FRMD4A: variants seen among roughly 807,000 people sequenced by gnomAD.
The protein encoded by FRMD4A is FERM domain-containing protein 4A.
Under a neutral mutation model 129.1 loss-of-function variants are expected in FRMD4A, and 29 were observed. The ratio of observed to expected loss-of-function variants is 0.22; its 90% CI spans 0.17 to 0.31. FRMD4A has a LOEUF of 0.31. Ranked by LOEUF, FRMD4A falls within the 10% of genes least tolerant of loss-of-function variation. The pLI is 1.00. For synonymous variants in FRMD4A, 634 were observed against 571.6 expected (o/e 1.11, Z -1.56); for missense variants, 1,272 against 1,375.8 (o/e 0.92, Z 1.19).
At chr10:14,055,701 C>T (rs1252658357) in intron 2 of FRMD4A, among the ~76,000 whole-genome samples, 1 of 152,232 alleles carries the variant, frequency 6.6e-6, no homozygotes, top group Non-Finnish European at 1.5e-5. Context: ...TTTTTATTTT[C>T]GTGGGTCCAT....
At chr10:13,912,196 C>A (rs973638907) in intron 2 of FRMD4A, among the ~76,000 whole-genome samples, 1 of 152,088 alleles carries the variant, frequency 6.6e-6, no homozygotes, top group African/African-American at 2.4e-5. Context: ...GTAAGATAAA[C>A]AATGAGACTA....
chr10:14,246,664 G>A (rs1275559246), intron 2 of FRMD4A, among the ~76,000 whole-genome samples: 1 of 152,156 alleles, frequency 6.6e-6, no homozygotes, highest in African/African-American at 2.4e-5. Context: ...TGAACTATAA[G>A]TAATTAAGTT....
intron 8 of FRMD4A, among the ~76,000 whole-genome samples, chr10:13,759,482 A>G (rs2091984502): frequency 6.6e-6 from 1 of 152,182 alleles, no homozygotes; most frequent in South Asian, 2.1e-4. Context: ...CTCAAAATAA[A>G]TAATATTTAC....
chr10:13,814,420 T>A (rs1588871500), intron 3 of FRMD4A, among the ~76,000 whole-genome samples: 1 of 149,406 alleles, frequency 6.7e-6, no homozygotes, highest in South Asian at 2.1e-4. Context: ...CAAAAAAAAA[T>A]TTAAAAATTA....
At chr10:13,652,828 ATTTT>A (rs559970485) in intron 23 of FRMD4A, 1 of 152,086 alleles carries the variant, frequency 6.6e-6, no homozygotes, top group South Asian at 2.1e-4. Flanking sequence ...AGAGTTTTGG[ATTTT>A]TTTTGTGTTA....
intron 2 of FRMD4A, among the ~76,000 whole-genome samples, chr10:14,177,587 C>T (rs1820012294): frequency 6.6e-6 from 1 of 152,146 alleles, no homozygotes; most frequent in African/African-American, 2.4e-5. Flanking sequence ...CTCTGGCTCT[C>T]AATCTCCCTA....
At chr10:13,844,787 G>A (rs1427459136) in intron 3 of FRMD4A, among the ~76,000 whole-genome samples, 1 of 152,156 alleles carries the variant, frequency 6.6e-6, no homozygotes, top group African/African-American at 2.4e-5. Context: ...TCTGAGTCTC[G>A]CACAGTTGAC....
intron 2 of FRMD4A, among the ~76,000 whole-genome samples, chr10:14,034,550 A>G (rs958901286): frequency 5.9e-5 from 9 of 152,134 alleles, no homozygotes; most frequent in Non-Finnish European, 1.3e-4. Flanking sequence ...AAGACAACAG[A>G]TAAATATTTT....
At chr10:14,124,035 T>C (rs568182033) in intron 2 of FRMD4A, among the ~76,000 whole-genome samples, 114 of 152,190 alleles carry the variant, frequency 7.5e-4, no homozygotes, top group African/African-American at 2.6e-3. Context: ...TGATCAAAAG[T>C]CCACCAACTC....
At chr10:14,111,461 A>G (rs1171962131) in intron 2 of FRMD4A, among the ~76,000 whole-genome samples, 1 of 152,132 alleles carries the variant, frequency 6.6e-6, no homozygotes, top group Non-Finnish European at 1.5e-5. Context: ...AAATGCCCAG[A>G]TGTTTAGCTC....
At chr10:13,899,237 C>G (rs2094793092) in intron 2 of FRMD4A, among the ~76,000 whole-genome samples, 1 of 152,136 alleles carries the variant, frequency 6.6e-6, no homozygotes, top group Admixed American at 6.5e-5. Flanking sequence ...CATATTGTTT[C>G]CAAAACCACA....
Position 14,012,308 on chromosome 10 carries a change from C to G in FRMD4A, c.46-153396G>C, listed in dbSNP as rs144164330. 1.9e-3 allele frequency among the ~76,000 whole-genome samples: 287 copies of G among 152,222 alleles called. 3 individuals are homozygous for G. Among genetic ancestry groups the G allele is most frequent in the African/African-American group, 5.7e-3 (235 of 41,540 alleles). ...AGCAGCACACTTAAGGCTGGCAAAG[C>G]CTTTTGTTTGTTTGCTTTGAACATT... On this transcript the variant is annotated intron_variant, in intron 2 of 24. Transcript: ENST00000357447.
intron 2 of FRMD4A, among the ~76,000 whole-genome samples, chr10:14,060,615 T>C (rs1045231997): frequency 7.9e-5 from 12 of 152,206 alleles, no homozygotes; most frequent in African/African-American, 2.7e-4. Flanking sequence ...GCAAAGTGCT[T>C]TCAACATTGG....
At chr10:14,039,994 G>A (rs773830709) in intron 2 of FRMD4A, among the ~76,000 whole-genome samples, 2 of 152,114 alleles carry the variant, frequency 1.3e-5, no homozygotes, top group African/African-American at 2.4e-5. Context: ...TCTAATCTTT[G>A]CTTTGTGCTA....
chr10:13,681,299 C>T (rs2084560146), intron 15 of FRMD4A, among the ~76,000 whole-genome samples: 1 of 152,226 alleles, frequency 6.6e-6, no homozygotes, highest in Admixed American at 6.5e-5. Flanking sequence ...TTTACTGCTT[C>T]ATCAACAGAC....
At chr10:14,181,775 C>T (rs922413700) in intron 2 of FRMD4A, among the ~76,000 whole-genome samples, 5 of 152,148 alleles carry the variant, frequency 3.3e-5, no homozygotes, top group Non-Finnish European at 5.9e-5. Flanking sequence ...ACTGCAACCT[C>T]GGCTTCCTAA....
chr10:13,694,506 C>T (rs1474788996), intron 14 of FRMD4A, among the ~76,000 whole-genome samples: 2 of 152,156 alleles, frequency 1.3e-5, no homozygotes, highest in Non-Finnish European at 2.9e-5. Flanking sequence ...TCTCAACAAA[C>T]ACTGTGGTTA....
At chr10:13,836,789 G>C (rs1375207029) in intron 3 of FRMD4A, among the ~76,000 whole-genome samples, 4 of 125,132 alleles carry the variant, frequency 3.2e-5, no homozygotes, top group Non-Finnish European at 4.7e-5. Context: ...ACGGAGTCTC[G>C]CTCTGTCGCC....
At chr10:13,911,673 T>C (rs1465869315) in intron 2 of FRMD4A, among the ~76,000 whole-genome samples, 2 of 152,200 alleles carry the variant, frequency 1.3e-5, no homozygotes, top group Admixed American at 1.3e-4. Context: ...GCGATTCTCA[T>C]GCCTCAGCCT....
Sources: allele counts gnomAD v4.1 joint callset (sites outside exome capture counted in the v4.1 genomes callset), GRCh38; gene constraint gnomAD v4.1.1; transcripts MANE v1.5; gene names NCBI Gene and HGNC (gene_info 2026-07-23, HGNC 2026-07-21).